The following RGS6 variants were observed in gnomAD, a reference collection of about 807,000 sequenced individuals.
RGS6 encodes the protein regulator of G-protein signaling 6.
In RGS6, 30 loss-of-function variants were observed where a neutral mutation model predicts 78.5. That is an observed-to-expected ratio of 0.38 (90% CI 0.29 to 0.52). The LOEUF (loss-of-function observed/expected upper bound fraction) is 0.52, where lower values mean the gene tolerates loss of function less well. Among genes scored for constraint, RGS6 ranks in the 20% least tolerant of loss-of-function variants. The pLI is 0.85. For synonymous variants in RGS6, 206 were observed against 206.0 expected, an observed-to-expected ratio of 1.00 and a Z score of 0.00; for missense variants, 495 against 609.7, an observed-to-expected ratio of 0.81 and a Z score of 1.98.
intron 2 of RGS6, among the ~76,000 whole-genome samples, chr14:72,078,795 C>G (rs1338142421): frequency 6.6e-6 from 1 of 152,158 alleles, no homozygotes; most frequent in East Asian, 1.9e-4. Context: ...CTTCATTATT[C>G]TTCTGAATCC....
At position 72,161,262 on chromosome 14, in the gene RGS6, C is replaced by G. The variant is rs112018937; in HGVS notation, c.85-190833C>G. ...GGCTGGGGAGCTACAGGAGGGATAG[C>G]ATTAGAAGAAATACCTAATGTAGAT... On this transcript the variant is annotated intron_variant, in intron 2 of 17. Transcript: ENST00000553525. Among the ~76,000 whole-genome samples, 647 of 152,204 alleles carry G rather than the reference C, an allele frequency of 4.3e-3. 2 individuals are homozygous for G. Among genetic ancestry groups the G allele is most frequent in the African/African-American group, 0.015 (604 of 41,538 alleles).
chr14:72,320,355 G>A (rs2071559310), intron 2 of RGS6, among the ~76,000 whole-genome samples: 1 of 152,000 alleles, frequency 6.6e-6, no homozygotes. Context: ...GAGGCAGGTG[G>A]ATCACGAGGT....
the RGS6 span, among the ~76,000 whole-genome samples, chr14:72,599,306 T>C: frequency 6.6e-6 from 1 of 152,018 alleles, no homozygotes; most frequent in African/African-American, 2.4e-5. Context: ...TCACAGCACA[T>C]TGTGAAAACC....
intron 3 of RGS6, among the ~76,000 whole-genome samples, chr14:72,409,890 A>T (rs1428488178): frequency 6.6e-6 from 1 of 152,206 alleles, no homozygotes; most frequent in Non-Finnish European, 1.5e-5. Flanking sequence ...AAAGCACATG[A>T]ACTCATCCTT....
intron 17 of RGS6, among the ~76,000 whole-genome samples, chr14:72,549,415 CG>C (rs1236489018): frequency 6.6e-6 from 1 of 152,132 alleles, no homozygotes; most frequent in Non-Finnish European, 1.5e-5. Flanking sequence ...TGGCCATGTG[CG>C]TGGGGCGTCC....
chr14:72,200,961 T>TAA (rs10577203), intron 2 of RGS6, among the ~76,000 whole-genome samples: 8 of 121,624 alleles, frequency 6.6e-5, no homozygotes, highest in African/African-American at 2.4e-4. Context: ...GTGCTCTGCT[T>TAA]AAAAAAAAAA....
the RGS6 span, among the ~76,000 whole-genome samples, chr14:71,911,836 G>A: frequency 6.6e-5 from 10 of 152,216 alleles, no homozygotes; most frequent in African/African-American, 2.2e-4. Context: ...AGAGAAGGGT[G>A]AGACAGGAAT....
chr14:72,417,074 C>G (rs2093867652), intron 3 of RGS6, among the ~76,000 whole-genome samples: 1 of 152,196 alleles, frequency 6.6e-6, no homozygotes, highest in African/African-American at 2.4e-5. Context: ...GAACGTCACC[C>G]TTCAGGGATT....
At chr14:72,010,444 CTTCT>C (rs1245498501) in intron 2 of RGS6, among the ~76,000 whole-genome samples, 1 of 152,122 alleles carries the variant, frequency 6.6e-6, no homozygotes, top group African/African-American at 2.4e-5. Context: ...TGAAAGTAGA[CTTCT>C]TTGAGTCATT....
chr14:72,362,509 A>G (rs926001539), intron 3 of RGS6, among the ~76,000 whole-genome samples: 4 of 152,220 alleles, frequency 2.6e-5, no homozygotes, highest in African/African-American at 9.6e-5. Flanking sequence ...TGGAGGGTCT[A>G]CAGTGGCCTC....
intron 2 of RGS6, among the ~76,000 whole-genome samples, chr14:72,019,140 T>C (rs2087781532): frequency 6.6e-6 from 1 of 152,160 alleles, no homozygotes; most frequent in Non-Finnish European, 1.5e-5. Context: ...TCTGTAACTC[T>C]TTTTAAGTGG....
At chr14:72,524,820 G>A (rs1395874535) in intron 15 of RGS6, among the ~76,000 whole-genome samples, 1 of 152,162 alleles carries the variant, frequency 6.6e-6, no homozygotes, top group Non-Finnish European at 1.5e-5. Context: ...CATTGAGATA[G>A]GATTGGATTG....
At chr14:72,370,926 G>A (rs924460035) in intron 3 of RGS6, among the ~76,000 whole-genome samples, 1 of 152,178 alleles carries the variant, frequency 6.6e-6, no homozygotes, top group African/African-American at 2.4e-5. Context: ...GCCAATTGTG[G>A]TTTAAATAAG....
chr14:72,040,499 A>G (rs567510497), intron 2 of RGS6, among the ~76,000 whole-genome samples: 1 of 152,112 alleles, frequency 6.6e-6, no homozygotes, highest in Non-Finnish European at 1.5e-5. Flanking sequence ...GGAAGATTTC[A>G]TGTACATGAT....
chr14:72,340,895 GTTCCA>G (rs2076866772), intron 2 of RGS6, among the ~76,000 whole-genome samples: 1 of 152,164 alleles, frequency 6.6e-6, no homozygotes, highest in Non-Finnish European at 1.5e-5. Flanking sequence ...AGAAAGTTAT[GTTCCA>G]GAGGGAAAGA....
chr14:72,078,475 G>A (rs556235631), intron 2 of RGS6, among the ~76,000 whole-genome samples: 1 of 151,690 alleles, frequency 6.6e-6, no homozygotes, highest in South Asian at 2.1e-4. Context: ...GTGCAGTGGC[G>A]CCATCTCAGC....
chr14:72,439,286 T>C (rs1011937345), intron 3 of RGS6, among the ~76,000 whole-genome samples: 12 of 152,196 alleles, frequency 7.9e-5, no homozygotes, highest in African/African-American at 2.9e-4. Flanking sequence ...TGGGGCACAG[T>C]AGGAGCTCGA....
Position 72,429,608 on chromosome 14 carries a change from T to A in RGS6, c.185-24920T>A, listed in dbSNP as rs1056914648. ...ATTCATCAGAACTTAAATCTGCATTTTTAGAGAAGATATTATAATGTGCTT... is the reference window on the plus strand; with the variant it reads ...ATTCATCAGAACTTAAATCTGCATTATTAGAGAAGATATTATAATGTGCTT... On this transcript the variant is annotated intron_variant, in intron 3 of 17. Transcript: ENST00000553525. Among the ~76,000 whole-genome samples the A allele has an allele frequency of 2.0e-5, 3 of 152,154 alleles. No homozygotes were observed. The South Asian group carries it at 6.2e-4, about 32-fold the overall frequency.
chr14:72,243,875 C>T (rs1289552112), intron 2 of RGS6, among the ~76,000 whole-genome samples: 1 of 152,074 alleles, frequency 6.6e-6, no homozygotes, highest in Non-Finnish European at 1.5e-5. Flanking sequence ...GAATACAGTT[C>T]ACTCTGTAGA....
Sources: gnomAD v4.1 joint callset for allele counts (sites outside exome capture counted in the v4.1 genomes callset) on GRCh38, gnomAD v4.1.1 for gene constraint, MANE v1.5 for transcripts, NCBI Gene and HGNC (gene_info 2026-07-23, HGNC 2026-07-21) for gene names.